The following EEIG2 variants were observed in gnomAD, a reference collection of about 807,000 sequenced individuals.
EEIG2 encodes the protein EEIG family member 2.
chr1:108,628,830 A>T, the EEIG2 span: 1 of 1,593,122 alleles, frequency 6.3e-7, no homozygotes, highest in African/African-American at 1.3e-5. Flanking sequence ...TTAAGCATAG[A>T]TTCCTGCAAT....
chr1:108,592,249 C>T, the EEIG2 span, among the ~76,000 whole-genome samples: 5 of 152,298 alleles, frequency 3.3e-5, no homozygotes, highest in African/African-American at 9.6e-5. Context: ...GTAGCTGGAA[C>T]CAGTCATTTG....
chr1:108,572,036 C>T, the EEIG2 span, among the ~76,000 whole-genome samples: 3 of 152,182 alleles, frequency 2.0e-5, no homozygotes, highest in African/African-American at 7.2e-5. Context: ...ATCCTGCACT[C>T]TGACTGCTGC....
At chr1:108,587,996 A>G in the EEIG2 span, among the ~76,000 whole-genome samples, 1 of 152,138 alleles carries the variant, frequency 6.6e-6, no homozygotes, top group African/African-American at 2.4e-5. Context: ...ACTTAGCATA[A>G]TATCCTCCTG....
At chr1:108,635,922 C>T in the EEIG2 span, 1 of 152,188 alleles carries the variant, frequency 6.6e-6, no homozygotes, top group Non-Finnish European at 1.5e-5. Flanking sequence ...AACAGAAGAG[C>T]TATCTTAACT....
chr1:108,613,368 G>T, the EEIG2 span, among the ~76,000 whole-genome samples: 1 of 152,204 alleles, frequency 6.6e-6, no homozygotes, highest in Admixed American at 6.5e-5. Flanking sequence ...CACAAAAGTA[G>T]TCAGTGGCAG....
the EEIG2 span, chr1:108,631,130 C>G: frequency 2.5e-6 from 1 of 399,096 alleles, no homozygotes. Flanking sequence ...TTGATTGACT[C>G]ATCTGCTTAT....
the EEIG2 span, among the ~76,000 whole-genome samples, chr1:108,633,343 C>T: frequency 1.3e-5 from 2 of 152,166 alleles, no homozygotes; most frequent in South Asian, 4.1e-4. Context: ...GGCTGGGGCG[C>T]AGTGATGTGA....
At chr1:108,610,250 C>G in the EEIG2 span, among the ~76,000 whole-genome samples, 4 of 152,118 alleles carry the variant, frequency 2.6e-5, no homozygotes, top group Non-Finnish European at 5.9e-5. Context: ...TTAGAATGCA[C>G]AAGAGCAGAA....
chr1:108,631,361 C>T, the EEIG2 span, among the ~76,000 whole-genome samples: 4 of 152,226 alleles, frequency 2.6e-5, no homozygotes, highest in African/African-American at 9.6e-5. Flanking sequence ...GCTACAGTAG[C>T]AGAGCTGAGT....
chr1:108,601,878 C>A, the EEIG2 span, among the ~76,000 whole-genome samples: 1 of 152,140 alleles, frequency 6.6e-6, no homozygotes, highest in African/African-American at 2.4e-5. Context: ...AATCAGTGAC[C>A]AGCCAGCAGT....
the EEIG2 span, among the ~76,000 whole-genome samples, chr1:108,630,207 G>A: frequency 9.0e-3 from 1,369 of 152,238 alleles, 25 homozygotes; most frequent in East Asian, 0.067. Flanking sequence ...TATCTTTTCC[G>A]AGCAGTTACA....
chr1:108,618,053 CAG>C, the EEIG2 span, among the ~76,000 whole-genome samples: 2 of 152,094 alleles, frequency 1.3e-5, no homozygotes, highest in South Asian at 2.1e-4. Flanking sequence ...AAAAAAGAAA[CAG>C]AAAGATGGGG....
the EEIG2 span, among the ~76,000 whole-genome samples, chr1:108,610,807 G>A: frequency 0.024 from 3,620 of 152,168 alleles, 141 homozygotes; most frequent in African/African-American, 0.082. Context: ...GGTGGTGGGC[G>A]CCTGTAGTCC....
chr1:108,588,921 A>T, the EEIG2 span, among the ~76,000 whole-genome samples: 6 of 151,954 alleles, frequency 3.9e-5, no homozygotes, highest in South Asian at 2.1e-4. Flanking sequence ...AAGCTATAAG[A>T]CTTTTTGTAA....
At chr1:108,596,681 G>A in the EEIG2 span, among the ~76,000 whole-genome samples, 3 of 151,882 alleles carry the variant, frequency 2.0e-5, no homozygotes, top group African/African-American at 7.3e-5. Context: ...ATATCACTCA[G>A]AAATTTTTTT....
At chr1:108,569,700 CTCTTCCTAAA>C in the EEIG2 span, among the ~76,000 whole-genome samples, 155 of 152,300 alleles carry the variant, frequency 1.0e-3, no homozygotes, top group Admixed American at 1.4e-3. Flanking sequence ...TTTAATACTA[CTCTTCCTAAA>C]TCTTTCACTA....
the EEIG2 span, among the ~76,000 whole-genome samples, chr1:108,590,908 T>C: frequency 6.6e-6 from 1 of 152,290 alleles, no homozygotes; most frequent in Non-Finnish European, 1.5e-5. Flanking sequence ...TTCCTTTTAT[T>C]TTACTTTTAT....
chr1:108,611,250 T>C, the EEIG2 span, among the ~76,000 whole-genome samples: 1 of 152,246 alleles, frequency 6.6e-6, no homozygotes, highest in African/African-American at 2.4e-5. Context: ...TTTTATTGTA[T>C]ATTTATGGAA....
At chr1:108,586,829 T>C in the EEIG2 span, among the ~76,000 whole-genome samples, 2 of 152,168 alleles carry the variant, frequency 1.3e-5, no homozygotes, top group Admixed American at 6.6e-5. Flanking sequence ...AAGAAACTGT[T>C]TACAACTATT....
Sources: gnomAD v4.1 joint callset for allele counts (sites outside exome capture counted in the v4.1 genomes callset) on GRCh38, gnomAD v4.1.1 for gene constraint, MANE v1.5 for transcripts, NCBI Gene and HGNC (gene_info 2026-07-23, HGNC 2026-07-21) for gene names.